Variants in ZC3H7B observed in about 807,000 individuals in gnomAD.
ZC3H7B encodes the protein zinc finger CCCH-type containing 7B, also known as zinc finger CCCH domain-containing protein 7B.
Under a neutral mutation model 116.0 loss-of-function variants are expected in ZC3H7B, and 35 were observed. The observed-to-expected ratio is 0.30, with a 90% CI of 0.23 to 0.40. The LOEUF is 0.40. Among genes scored for constraint, ZC3H7B ranks in the 10% least tolerant of loss-of-function variants. The pLI is 1.00. For synonymous variants in ZC3H7B, 502 were observed against 545.6 expected (o/e 0.92, Z 1.11); for missense variants, 1,011 against 1,321.5 (o/e 0.77, Z 3.64).
At chr22:41,340,860 G>A (rs562667487) in intron 10 of ZC3H7B, among the ~76,000 whole-genome samples, 36 of 152,284 alleles carry the variant, frequency 2.4e-4, no homozygotes, top group African/African-American at 7.5e-4. Flanking sequence ...TACGGGCAGC[G>A]GGAAGCCCTG....
intron 12 of ZC3H7B, 151 bp from the exon 13 acceptor site, chr22:41,343,264 A>G: frequency 9.7e-7 from 1 of 1,031,006 alleles, no homozygotes. Flanking sequence ...GCAAGTAGCC[A>G]GGAAGGGTGT....
chr22:41,348,308 C>T lies in ZC3H7B; in HGVS notation c.1766+141C>T, dbSNP rs528552508. The T allele has an allele frequency of 2.8e-5, 19 of 668,536 alleles. No individual in the cohort carries two copies. The East Asian group carries it at 5.1e-4, about 18-fold the overall frequency. The allele number at this position is 668,536 out of a possible 1,614,324, so 41.4% of individuals were successfully genotyped here. On this transcript the variant is annotated intron_variant, in intron 15 of 22. Coordinates refer to ENST00000352645, the MANE Select transcript of ZC3H7B (RefSeq NM_017590.6). ...AGGGGCAGAATTTGGGAATCAAATC[C>T]AGCCTCCACCTGGAAAGGATGAGAA... is the stretch of plus-strand genomic sequence containing the variant.
At chr22:41,343,154 CTGAG>C (rs2036542478) in intron 12 of ZC3H7B, among the ~76,000 whole-genome samples, 3 of 152,274 alleles carry the variant, frequency 2.0e-5, no homozygotes, top group African/African-American at 4.8e-5. Context: ...GCCTGGGTGA[CTGAG>C]TGAGACTCTG....
At chr22:41,322,295 C>G (rs2036268064) in intron 2 of ZC3H7B, among the ~76,000 whole-genome samples, 1 of 152,000 alleles carries the variant, frequency 6.6e-6, no homozygotes, top group Non-Finnish European at 1.5e-5. Context: ...TCAAGCAATT[C>G]TCCTGCCTCA....
chr22:41,340,127 C>T lies in ZC3H7B; in HGVS notation c.1128C>T (p.Asp376=), dbSNP rs2036502076. The T allele has an allele frequency of 1.9e-6, 3 of 1,604,200 alleles. No individual in the cohort carries two copies. Among genetic ancestry groups the T allele is most frequent in the Non-Finnish European group, 2.6e-6 (3 of 1,174,942 alleles). The change falls in exon 10 of 23, where the codon GAC becomes GAT. Residue 376 remains aspartate (D), a synonymous_variant. Transcript: ENST00000352645. ...GSTRGSLDKP[D]SFMEETNSQD... ...CACGAGGCTCCCTGGACAAACCTGA[C>T]TCCTTCATGGGTAAGGCCATGGGTG... is the stretch of plus-strand genomic sequence containing the variant.
intron 17 of ZC3H7B, among the ~76,000 whole-genome samples, chr22:41,353,359 CG>C (rs2036677397): frequency 6.6e-6 from 1 of 152,196 alleles, no homozygotes; most frequent in South Asian, 2.1e-4. Flanking sequence ...TCCCCACCTG[CG>C]GCATTCCTGT....
chr22:41,355,263 A>G (rs1379520016), intron 17 of ZC3H7B, among the ~76,000 whole-genome samples: 2 of 152,202 alleles, frequency 1.3e-5, no homozygotes, highest in Non-Finnish European at 2.9e-5. Flanking sequence ...GACCAGCCAC[A>G]GAGGGTGGAA....
At chr22:41,304,429 C>T (rs1048995188) in intron 1 of ZC3H7B, among the ~76,000 whole-genome samples, 10 of 152,140 alleles carry the variant, frequency 6.6e-5, no homozygotes, top group African/African-American at 2.4e-4. Context: ...CGTGAGCCAC[C>T]TCATGCCTGT....
chr22:41,323,650 A>G (rs917334949), intron 2 of ZC3H7B, among the ~76,000 whole-genome samples: 1 of 152,200 alleles, frequency 6.6e-6, no homozygotes, highest in Admixed American at 6.5e-5. Context: ...TTTTCACATC[A>G]GTCCCGCTAT....
In ZC3H7B at chr22:41,338,160, G is replaced by A. The variant is rs1374611520; in HGVS notation, c.583-153G>A. On this transcript the variant is annotated intron_variant, in intron 7 of 22. Transcript: ENST00000352645. The surrounding 1 kb of genome is among the most constrained non-coding windows in gnomAD (Gnocchi z 4.5). ...TGGGATTATAGGCATAAGCCACCAC[G>A]CCTGGCCGCATGTGAGGGCTTTAAT... Among the ~76,000 whole-genome samples the A allele has an allele frequency of 2.0e-5, 3 of 152,084 alleles. No individual in the cohort carries two copies. The highest frequency in any genetic ancestry group is 6.5e-5 in the Admixed American group (1 of 15,268).
chr22:41,343,047 C>G (rs1029176152), intron 12 of ZC3H7B, among the ~76,000 whole-genome samples: 1 of 152,190 alleles, frequency 6.6e-6, no homozygotes, highest in Non-Finnish European at 1.5e-5. Context: ...GTGGTGCTCG[C>G]TTATAGTCCC....
At chr22:41,321,561 G>C (rs2036256980) in intron 2 of ZC3H7B, among the ~76,000 whole-genome samples, 1 of 151,760 alleles carries the variant, frequency 6.6e-6, no homozygotes, top group Admixed American at 6.6e-5. Context: ...ATGTTGCCCA[G>C]GCTGGTCTCA....
intron 7 of ZC3H7B, chr22:41,333,078 G>A (rs2036402244): frequency 6.6e-6 from 1 of 152,332 alleles, no homozygotes; most frequent in African/African-American, 2.4e-5. Context: ...GGAGCCTGGG[G>A]TCCTGCCACC....
Position 41,348,122 on chromosome 22 carries a change from C to T in ZC3H7B, c.1721C>T (p.Ser574Phe), listed in dbSNP as rs768816630. 2.5e-6 allele frequency: 4 copies of T among 1,613,930 alleles called. No homozygotes were observed. Among genetic ancestry groups the T allele is most frequent in the Non-Finnish European group, 3.4e-6 (4 of 1,179,976 alleles). The change falls in exon 15 of 23, where the codon TCT becomes TTT. Residue 574 changes from serine (S) to phenylalanine (F), a missense_variant. Physicochemically the swap from Ser to Phe is radical, Grantham distance 155. Transcript: ENST00000352645. ...AGCAAAGGCACCAAGGACTCTCCGTCTGTCTGCTCCAACCTGGCTGCCAAG... is the reference window on the plus strand; with the variant it reads ...AGCAAAGGCACCAAGGACTCTCCGTTTGTCTGCTCCAACCTGGCTGCCAAG... ...IISKGTKDSP[S>F]VCSNLAAKHS...
At chr22:41,341,315 G>C (rs77183420) in intron 11 of ZC3H7B, among the ~76,000 whole-genome samples, 169 bp downstream of exon 11, 2,594 of 152,280 alleles carry the variant, frequency 0.017, 76 homozygotes, top group African/African-American at 0.059. Context: ...TCCTCACCAA[G>C]CCATATGCTG....
At chr22:41,341,730 G>A (rs1290980889) in intron 11 of ZC3H7B, among the ~76,000 whole-genome samples, 9 of 150,864 alleles carry the variant, frequency 6.0e-5, no homozygotes, top group African/African-American at 2.2e-4. Flanking sequence ...GCGACAGAGC[G>A]AGACTCCGTC....
At chr22:41,337,993 A>G (rs879908355) in intron 7 of ZC3H7B, among the ~76,000 whole-genome samples, 2 of 150,468 alleles carry the variant, frequency 1.3e-5, no homozygotes, top group Non-Finnish European at 3.0e-5. Flanking sequence ...TCAGCCTCCC[A>G]AGTAGCTGGG....
At chr22:41,309,808 AG>A (rs2036094525) in intron 1 of ZC3H7B, among the ~76,000 whole-genome samples, 1 of 152,132 alleles carries the variant, frequency 6.6e-6, no homozygotes, top group Non-Finnish European at 1.5e-5. Context: ...TTGCACTAAA[AG>A]TGCTTCATGG....
chr22:41,353,420 G>A (rs1033762066), intron 17 of ZC3H7B, among the ~76,000 whole-genome samples: 1 of 152,230 alleles, frequency 6.6e-6, no homozygotes, highest in Non-Finnish European at 1.5e-5. Context: ...ATCTCCTGGG[G>A]TGGGTGTGAG....
Sources: gnomAD v4.1 joint callset for allele counts (sites outside exome capture counted in the v4.1 genomes callset) on GRCh38, gnomAD v4.1.1 for gene constraint, Gnocchi (gnomAD v3.1) non-coding constraint, MANE v1.5 for transcripts, NCBI Gene and HGNC (gene_info 2026-07-23, HGNC 2026-07-21) for gene names.